The following RBFOX1 variants were observed in gnomAD, a reference collection of about 807,000 sequenced individuals.
RBFOX1 encodes the protein RNA binding protein fox-1 homolog 1.
RBFOX1 carries 8 observed loss-of-function variants against 57.7 expected under a neutral mutation model. The ratio of observed to expected loss-of-function variants is 0.14; its 90% CI spans 0.08 to 0.25. The LOEUF (loss-of-function observed/expected upper bound fraction) is 0.25. Ranked by LOEUF, RBFOX1 falls within the 10% of genes least tolerant of loss-of-function variation. The pLI, the probability that RBFOX1 is intolerant of heterozygous loss-of-function variation, is 1.00. For synonymous variants in RBFOX1, 326 were observed against 222.4 expected (o/e 1.47, Z -4.15); for missense variants, 611 against 548.5 (o/e 1.11, Z -1.14).
intron 3 of RBFOX1, among the ~76,000 whole-genome samples, chr16:5,722,138 A>G (rs75051336): frequency 0.08 from 12,253 of 152,280 alleles, 780 homozygotes; most frequent in East Asian, 0.31. Context: ...CACAGTTACA[A>G]TGGATAATAT....
intron 2 of RBFOX1, among the ~76,000 whole-genome samples, chr16:6,617,320 A>G (rs1234716012): frequency 6.6e-6 from 1 of 152,068 alleles, no homozygotes; most frequent in Admixed American, 6.5e-5. Context: ...ACAAAGCCTC[A>G]AAAACAGATA....
chr16:5,588,904 T>G (rs540894837), intron 2 of RBFOX1, among the ~76,000 whole-genome samples: 44 of 152,222 alleles, frequency 2.9e-4, no homozygotes, highest in African/African-American at 1.0e-3. Context: ...GGTGGTTGAT[T>G]GGATGCACAG....
At chr16:7,662,359 A>G (rs986073619) in intron 12 of RBFOX1, among the ~76,000 whole-genome samples, 4 of 152,194 alleles carry the variant, frequency 2.6e-5, no homozygotes, top group Non-Finnish European at 5.9e-5. Context: ...GACAACAGCC[A>G]CTGATACTGA....
intron 4 of RBFOX1, among the ~76,000 whole-genome samples, chr16:5,992,770 C>A (rs2060423072): frequency 6.6e-6 from 1 of 152,050 alleles, no homozygotes; most frequent in African/African-American, 2.4e-5. Context: ...CTTGTCTCTG[C>A]TGAAAATACA....
chr16:6,516,370 G>A (rs2096378413), intron 2 of RBFOX1, among the ~76,000 whole-genome samples: 1 of 152,158 alleles, frequency 6.6e-6, no homozygotes, highest in Non-Finnish European at 1.5e-5. Flanking sequence ...AATGGACATA[G>A]GCTTCAAACC....
chr16:6,810,247 T>C (rs939885368), intron 3 of RBFOX1, among the ~76,000 whole-genome samples: 22 of 152,116 alleles, frequency 1.4e-4, no homozygotes, highest in African/African-American at 5.1e-4. Flanking sequence ...CTTGGAGAAA[T>C]TCACTTTTTA....
At chr16:6,819,670 A>G (rs1466536532) in intron 3 of RBFOX1, among the ~76,000 whole-genome samples, 2 of 128,566 alleles carry the variant, frequency 1.6e-5, no homozygotes, top group Non-Finnish European at 3.2e-5. Flanking sequence ...AAGGCATTGC[A>G]TTCCAGCCTG....
At chr16:6,670,063 C>T (rs149376379) in intron 3 of RBFOX1, among the ~76,000 whole-genome samples, 1 of 152,238 alleles carries the variant, frequency 6.6e-6, no homozygotes, top group East Asian at 1.9e-4. Flanking sequence ...GCTCTAGTGT[C>T]CACGTTGGAG....
chr16:6,986,469 T>G (rs1006498163), intron 3 of RBFOX1, among the ~76,000 whole-genome samples: 34 of 152,186 alleles, frequency 2.2e-4, no homozygotes, highest in African/African-American at 6.3e-4. Flanking sequence ...AAAGTGCTGG[T>G]ATTACAGGCG....
At chr16:6,876,065 CGG>C (rs1491408285) in intron 3 of RBFOX1, among the ~76,000 whole-genome samples, 6 of 151,722 alleles carry the variant, frequency 4.0e-5, no homozygotes, top group Non-Finnish European at 5.9e-5. Flanking sequence ...CCTAGCATCT[CGG>C]GGGGCTGAGG....
intron 1 of RBFOX1, among the ~76,000 whole-genome samples, chr16:6,292,428 G>A (rs2077570110): frequency 6.7e-6 from 1 of 150,298 alleles, no homozygotes; most frequent in Non-Finnish European, 1.5e-5. Context: ...GACAAAAGTA[G>A]TTCTAAGAGT....
At chr16:5,349,092 G>A (rs1012408972) in intron 1 of RBFOX1, among the ~76,000 whole-genome samples, 4 of 152,168 alleles carry the variant, frequency 2.6e-5, no homozygotes, top group African/African-American at 9.7e-5. Flanking sequence ...TATCTGCAAT[G>A]GAGTATTATT....
At chr16:7,628,095 G>C (rs1012034619) in intron 10 of RBFOX1, among the ~76,000 whole-genome samples, 64 of 152,110 alleles carry the variant, frequency 4.2e-4, no homozygotes, top group Non-Finnish European at 1.9e-4. Flanking sequence ...CGAGGATATT[G>C]AAAATTGACC....
At chr16:7,648,804 C>T (rs1307488483) in intron 11 of RBFOX1, among the ~76,000 whole-genome samples, 1 of 152,122 alleles carries the variant, frequency 6.6e-6, no homozygotes, top group African/African-American at 2.4e-5. Context: ...TGATAGTGTG[C>T]TGCCATCGAG....
intron 3 of RBFOX1, among the ~76,000 whole-genome samples, chr16:5,712,606 C>G (rs1366431089): frequency 7.9e-6 from 1 of 126,784 alleles, no homozygotes; most frequent in African/African-American, 2.5e-5. Context: ...AGGTAGGTGA[C>G]TTATGTGTTA....
chr16:7,015,914 A>C (rs2093887193), intron 3 of RBFOX1, among the ~76,000 whole-genome samples: 1 of 152,080 alleles, frequency 6.6e-6, no homozygotes, highest in Non-Finnish European at 1.5e-5. Context: ...AGGGAAATCT[A>C]ACTTCTCTTT....
intron 4 of RBFOX1, among the ~76,000 whole-genome samples, chr16:5,986,489 C>G (rs942627052): frequency 6.6e-6 from 1 of 152,176 alleles, no homozygotes; most frequent in Non-Finnish European, 1.5e-5. Context: ...CTTAAGATAT[C>G]GAATCATTCC....
At chr16:5,811,550 A>C (rs1022632884) in intron 3 of RBFOX1, among the ~76,000 whole-genome samples, 2 of 151,692 alleles carry the variant, frequency 1.3e-5, no homozygotes, top group African/African-American at 2.4e-5. Context: ...TTCCAGGTTA[A>C]AGTGATTTTC....
At chr16:5,637,146 C>T (rs1216433648) in intron 3 of RBFOX1, among the ~76,000 whole-genome samples, 1 of 152,120 alleles carries the variant, frequency 6.6e-6, no homozygotes, top group Admixed American at 6.5e-5. Flanking sequence ...TTATTTCTAC[C>T]TGATATTTTA....
Sources: allele counts gnomAD v4.1 joint callset (sites outside exome capture counted in the v4.1 genomes callset), GRCh38; gene constraint gnomAD v4.1.1; transcripts MANE v1.5; gene names NCBI Gene and HGNC (gene_info 2026-07-23, HGNC 2026-07-21).